ARHGAP26: variants seen among roughly 807,000 people sequenced by gnomAD.
ARHGAP26 encodes the protein rho GTPase-activating protein 26.
Under a neutral mutation model 104.8 loss-of-function variants are expected in ARHGAP26, and 38 were observed. The observed-to-expected ratio is 0.36, with a 90% CI of 0.28 to 0.48. The LOEUF is 0.48. Ranked by LOEUF, ARHGAP26 falls within the 20% of genes least tolerant of loss-of-function variation. ARHGAP26 has a pLI of 0.99. For synonymous variants in ARHGAP26, 341 were observed against 340.0 expected, an observed-to-expected ratio of 1.00 and a Z score of -0.03; for missense variants, 704 against 947.9, an observed-to-expected ratio of 0.74 and a Z score of 3.38.
rs60889944 is a variant in ARHGAP26 at position 142,911,562 on chromosome 5, A to G, written c.934-1637A>G. On this transcript the variant is annotated intron_variant, in intron 9 of 22. Transcript: ENST00000645722. ...TCATTTACTTGTTTAAGTGATATCC[A>G]CGTCCCCCACTTTTTAAAGCAATCA... Among the ~76,000 whole-genome samples, 408 of 152,340 alleles carry G rather than the reference A, an allele frequency of 2.7e-3. 9 individuals are homozygous for G. The East Asian group carries it at 0.044, about 16-fold the overall frequency.
At chr5:143,119,066 G>A (rs914199544) in intron 17 of ARHGAP26, among the ~76,000 whole-genome samples, 1 of 152,132 alleles carries the variant, frequency 6.6e-6, no homozygotes, top group Non-Finnish European at 1.5e-5. Context: ...ATGCCATTGT[G>A]TTCTCCCCAG....
In ARHGAP26 at chr5:142,853,463, T is replaced by A. The variant is rs139678452; in HGVS notation, c.155-19937T>A. Among the ~76,000 whole-genome samples the A allele has an allele frequency of 6.6e-5, 10 of 152,302 alleles. No homozygotes were observed. In the East Asian group the frequency reaches 1.9e-3, roughly 29 times the overall value. ...GCCTTGGCCTCCCAACGTGCTAGGA[T>A]TATAGACGTGAGCCACTATGCCCAG... On this transcript the variant is annotated intron_variant, in intron 1 of 22. Transcript: ENST00000645722.
chr5:143,146,186 C>T (rs1429192124), intron 19 of ARHGAP26, among the ~76,000 whole-genome samples: 2 of 152,214 alleles, frequency 1.3e-5, no homozygotes, highest in African/African-American at 4.8e-5. Flanking sequence ...TCACATTCCA[C>T]ATCTATAATA....
intron 1 of ARHGAP26, among the ~76,000 whole-genome samples, chr5:142,852,729 T>A (rs1751732259): frequency 6.6e-6 from 1 of 152,218 alleles, no homozygotes; most frequent in Non-Finnish European, 1.5e-5. Flanking sequence ...AGAGGAGGTC[T>A]GTGTTTCCCT....
chr5:143,053,609 A>G (rs1233310647), intron 14 of ARHGAP26, among the ~76,000 whole-genome samples: 1 of 152,214 alleles, frequency 6.6e-6, no homozygotes, highest in Non-Finnish European at 1.5e-5. Context: ...CTTTTATCAT[A>G]CATGCTTGTT....
At chr5:142,942,407 G>A (rs1401987745) in intron 11 of ARHGAP26, among the ~76,000 whole-genome samples, 3 of 152,132 alleles carry the variant, frequency 2.0e-5, no homozygotes, top group Non-Finnish European at 4.4e-5. Flanking sequence ...CAATAAACAT[G>A]AAATAAGATA....
intron 22 of ARHGAP26, among the ~76,000 whole-genome samples, chr5:143,214,349 T>C (rs17100157): frequency 0.02 from 2,974 of 152,176 alleles, 78 homozygotes; most frequent in African/African-American, 0.068. Flanking sequence ...GTAAATGAGA[T>C]TGTGCCTGCA....
intron 17 of ARHGAP26, among the ~76,000 whole-genome samples, chr5:143,083,954 G>T (rs1251317902): frequency 6.6e-6 from 1 of 152,240 alleles, no homozygotes; most frequent in Non-Finnish European, 1.5e-5. Context: ...CATGATTTTA[G>T]AGCAAACAGT....
At chr5:143,169,992 T>C (rs942296775) in intron 20 of ARHGAP26, 1 of 152,214 alleles carries the variant, frequency 6.6e-6, no homozygotes, top group South Asian at 2.1e-4. Context: ...TTATAGTTTT[T>C]TAAAAATGAA....
intron 11 of ARHGAP26, among the ~76,000 whole-genome samples, chr5:142,949,165 C>CAGAG (rs71276311): frequency 2.7e-5 from 1 of 37,354 alleles, no homozygotes; most frequent in Non-Finnish European, 4.9e-5. Flanking sequence ...GTTGAATTTC[C>CAGAG]AGAGAGAGAG....
At chr5:143,117,681 A>G (rs1038087435) in intron 17 of ARHGAP26, among the ~76,000 whole-genome samples, 1 of 152,224 alleles carries the variant, frequency 6.6e-6, no homozygotes, top group Non-Finnish European at 1.5e-5. Flanking sequence ...CAGAATTAAT[A>G]TACCTTTTTT....
chr5:143,027,893 G>A (rs1781297826), intron 12 of ARHGAP26, among the ~76,000 whole-genome samples: 1 of 152,146 alleles, frequency 6.6e-6, no homozygotes, highest in Admixed American at 6.5e-5. Context: ...TAATTGCCGG[G>A]AGAGGGCCCA....
rs543151525 is a variant in ARHGAP26 at position 142,930,249 on chromosome 5, A to G, written c.1029-1798A>G. On this transcript the variant is annotated intron_variant, in intron 10 of 22. Transcript: ENST00000645722. ...TACTTGGTCTTTAGAGAAAGGTGGAAGGGTGGAATCAGTTCATTGTGCCCT... is the reference window on the plus strand; with the variant it reads ...TACTTGGTCTTTAGAGAAAGGTGGAGGGGTGGAATCAGTTCATTGTGCCCT... Among the ~76,000 whole-genome samples the G allele has an allele frequency of 4.6e-5, 7 of 152,282 alleles. No homozygotes were observed. The South Asian group carries it at 1.5e-3, about 32-fold the overall frequency.
At chr5:142,912,800 GA>G (rs1343245172) in intron 9 of ARHGAP26, among the ~76,000 whole-genome samples, 1 of 152,164 alleles carries the variant, frequency 6.6e-6, no homozygotes, top group African/African-American at 2.4e-5. Context: ...ACGTTCTGGG[GA>G]TATTTGTTCT....
intron 11 of ARHGAP26, among the ~76,000 whole-genome samples, chr5:142,976,417 C>T (rs565807280): frequency 6.6e-6 from 1 of 152,278 alleles, no homozygotes; most frequent in Non-Finnish European, 1.5e-5. Context: ...ATCTCTTGAT[C>T]CCTATTTGGC....
intron 20 of ARHGAP26, among the ~76,000 whole-genome samples, chr5:143,199,588 C>T (rs187089102): frequency 3.3e-5 from 5 of 152,198 alleles, no homozygotes; most frequent in Middle Eastern, 3.4e-3. Flanking sequence ...AAATCAAAGC[C>T]GCCCCCTGTT....
chr5:143,079,619 C>A (rs750179956), intron 17 of ARHGAP26, among the ~76,000 whole-genome samples: 10 of 152,206 alleles, frequency 6.6e-5, no homozygotes, highest in Non-Finnish European at 1.2e-4. Flanking sequence ...ATTAAACGAA[C>A]ATGTTTTTAA....
chr5:142,854,312 T>A (rs1236789791), intron 1 of ARHGAP26, among the ~76,000 whole-genome samples: 2 of 152,216 alleles, frequency 1.3e-5, no homozygotes, highest in Non-Finnish European at 2.9e-5. Context: ...GCTTTGTTCC[T>A]CTCCACCATA....
In ARHGAP26 at chr5:143,213,482, A is replaced by C. The variant is rs546430678; in HGVS notation, c.2100-515A>C. Among the ~76,000 whole-genome samples, 4 of 152,284 alleles carry C rather than the reference A, an allele frequency of 2.6e-5. No individual in the cohort carries two copies. The South Asian group carries it at 6.2e-4, about 24-fold the overall frequency. ...TCTCACCAGCAAGACCCAGTCTAGT[A>C]AGAAATCAGGAACATCTGGGAGAGC... On this transcript the variant is annotated intron_variant, in intron 21 of 22. Transcript: ENST00000645722.
Sources: allele counts gnomAD v4.1 joint callset (sites outside exome capture counted in the v4.1 genomes callset), GRCh38; gene constraint gnomAD v4.1.1; transcripts MANE v1.5; gene names NCBI Gene and HGNC (gene_info 2026-07-23, HGNC 2026-07-21).